GALC: variants seen among roughly 807,000 people sequenced by gnomAD.
GALC encodes the protein galactosylceramidase.
GALC carries 77 observed loss-of-function variants against 91.8 expected under a neutral mutation model. The ratio of observed to expected loss-of-function variants is 0.84; its 90% CI spans 0.70 to 1.01. The LOEUF is 1.01. GALC is among the 50% of genes least tolerant of loss of function. GALC has a pLI of 0.00. For missense variants in GALC, 882 were observed against 855.9 expected, an observed-to-expected ratio of 1.03 and a Z score of -0.38; for synonymous variants, 357 against 306.7, an observed-to-expected ratio of 1.16 and a Z score of -1.71.
intron 7 of GALC, among the ~76,000 whole-genome samples, chr14:87,971,514 C>T (rs928646461): frequency 1.1e-4 from 17 of 152,074 alleles, no homozygotes; most frequent in African/African-American, 3.6e-4. Context: ...TAAAAACCAG[C>T]AAAGGTCTTT....
intron 7 of GALC, among the ~76,000 whole-genome samples, chr14:87,969,574 G>A (rs559006786): frequency 2.6e-5 from 4 of 152,112 alleles, no homozygotes; most frequent in African/African-American, 9.7e-5. Context: ...AGGAATAAGA[G>A]CATCTACTTT....
intron 7 of GALC, among the ~76,000 whole-genome samples, chr14:87,973,441 CAAG>C (rs56250803): frequency 0.1 from 15,485 of 151,944 alleles, 986 homozygotes; most frequent in Non-Finnish European, 0.15. Context: ...TGAAGTAGGA[CAAG>C]AAGGAAAGAA....
intron 6 of GALC, among the ~76,000 whole-genome samples, chr14:87,980,107 G>C (rs1465367088): frequency 6.6e-6 from 1 of 152,200 alleles, no homozygotes; most frequent in Non-Finnish European, 1.5e-5. Context: ...TATTGGCTGG[G>C]CGCAGTGGCT....
At chr14:87,991,651 G>T (rs1887206313) in intron 1 of GALC, among the ~76,000 whole-genome samples, 1 of 152,212 alleles carries the variant, frequency 6.6e-6, no homozygotes, top group Non-Finnish European at 1.5e-5. Context: ...ATATAATGTT[G>T]CAAGAATTTT....
chr14:87,947,771 T>C lies in GALC; in HGVS notation c.1446A>G (p.Lys482=). The C allele has an allele frequency of 6.2e-7, 1 of 1,612,870 alleles. No homozygotes were observed. The change falls in exon 13 of 17, where the codon AAA becomes AAG. Residue 482 remains lysine, a synonymous_variant. Transcript: ENST00000261304. ...TATAGGTACTTGGGAAGGGCTGGGA[T>C]TTTGGAGGAAGCGGGTAGCTGCCTT... The part of the protein sequence containing the change: ...GRKGSYPLPP[K]SQPFPSTYKD...
At position 87,963,767 on chromosome 14, in the gene GALC, C is replaced by CT. The variant is rs1244988563; in HGVS notation, c.1034-257dup. Reference sequence around the variant, plus strand: ...CTGTCAGTTCAAGAATATGATCAGTCTTTTTTTTAAGAATAAAATAGTTAT... The same window carrying CT: ...CTGTCAGTTCAAGAATATGATCAGTCTTTTTTTTTAAGAATAAAATAGTTAT... On this transcript the variant is annotated intron_variant, in intron 9 of 16. Coordinates refer to ENST00000261304, the MANE Select transcript of GALC (RefSeq NM_000153.4). 8.6e-5 allele frequency among the ~76,000 whole-genome samples: 13 copies of CT among 151,790 alleles called. No homozygotes were observed. In the South Asian group the frequency reaches 1.9e-3, roughly 22 times the overall value.
rs775549759 is a variant in GALC, at chr14:87,965,029, ATTTAC to A, written c.1033+471_1033+475del. Among the ~76,000 whole-genome samples the A allele has an allele frequency of 2.6e-5, 4 of 152,254 alleles. No homozygotes were observed. The East Asian group carries it at 5.8e-4, about 22-fold the overall frequency. ...AAGCCATATTTCACATAACTTTCAT[ATTTAC>A]TTATTCATTTGATGATTCAATAATA... On this transcript the variant is annotated intron_variant, in intron 9 of 16. Transcript: ENST00000261304.
chr14:87,962,138 A>G (rs1885830500), intron 10 of GALC, among the ~76,000 whole-genome samples: 1 of 152,130 alleles, frequency 6.6e-6, no homozygotes, highest in Non-Finnish European at 1.5e-5. Flanking sequence ...GGGGGCCCCA[A>G]GAATATAACC....
chr14:87,933,154 T>C lies in GALC; in HGVS notation c.*1578A>G, dbSNP rs374613387. The C allele has an allele frequency of 1.3e-5, 2 of 152,188 alleles. No homozygotes were observed. The highest frequency in any genetic ancestry group is 2.4e-5 in the African/African-American group (1 of 41,420). 9.4% of individuals were successfully genotyped at this position (152,188 alleles called of 1,614,324 possible). A position where few individuals can be genotyped will look rare whatever the true frequency, so the allele number is the denominator to read the frequency against. On this transcript the variant is annotated 3_prime_UTR_variant, in exon 17 of 17. Transcript: ENST00000261304. ...TCACACAACATGGACAAATCTCAAA[T>C]CATTATGCTGATGGAAAGAAACCAT... is the stretch of plus-strand genomic sequence containing the variant.
chr14:87,992,954 G>C lies in GALC; in HGVS notation c.195+16C>G, dbSNP rs1422989668. ...CTCTTGCCGCCCCCCGCGTATCCCCGCAGCTTGCCGCTCACCCCGCCGCCG... is the reference window on the plus strand; with the variant it reads ...CTCTTGCCGCCCCCCGCGTATCCCCCCAGCTTGCCGCTCACCCCGCCGCCG... On this transcript the variant is annotated intron_variant, in intron 1 of 16. Coordinates refer to ENST00000261304, the MANE Select transcript of GALC (RefSeq NM_000153.4). The C allele has an allele frequency of 6.6e-7, 1 of 1,509,922 alleles. No individual in the cohort carries two copies. Among genetic ancestry groups the C allele is most frequent in the Non-Finnish European group, 8.8e-7 (1 of 1,137,666 alleles). 93.5% of individuals were successfully genotyped at this position (1,509,922 alleles called of 1,614,324 possible). A position where few individuals can be genotyped will look rare whatever the true frequency, so the allele number is the denominator to read the frequency against.
In GALC at chr14:87,979,309, G is replaced by A. The variant is rs190265645; in HGVS notation, c.622-2821C>T. Among the ~76,000 whole-genome samples, 994 of 152,262 alleles carry A rather than the reference G, an allele frequency of 6.5e-3. 14 individuals are homozygous for A. Among genetic ancestry groups the A allele is most frequent in the African/African-American group, 0.023 (960 of 41,542 alleles). On this transcript the variant is annotated intron_variant, in intron 6 of 16. Transcript: ENST00000261304. ...CCCAAAGTGCTGGGATTACAGGCAC[G>A]AGCCACTGAGCCTGGCCTGCAACAG... is the stretch of plus-strand genomic sequence containing the variant.
intron 5 of GALC, 24 bp from the exon 6 acceptor site, chr14:87,982,267 G>A: frequency 4.6e-6 from 7 of 1,530,144 alleles, no homozygotes; most frequent in Non-Finnish European, 6.3e-6. Flanking sequence ...AGTCAAAAAA[G>A]TCTGAATTGA....
intron 4 of GALC, among the ~76,000 whole-genome samples, chr14:87,985,734 C>A (rs1886941551): frequency 6.6e-6 from 1 of 152,112 alleles, no homozygotes; most frequent in African/African-American, 2.4e-5. Flanking sequence ...AAGCCTGTTT[C>A]AAAAAATCAA....
chr14:87,966,558 AAAGTAG>A (rs1406197782), intron 8 of GALC, among the ~76,000 whole-genome samples: 11 of 152,344 alleles, frequency 7.2e-5, no homozygotes, highest in Admixed American at 2.0e-4. Context: ...CTATCAGTAC[AAAGTAG>A]AAATAATAGT....
intron 10 of GALC, among the ~76,000 whole-genome samples, chr14:87,960,483 CATGT>C (rs1885756282): frequency 6.6e-6 from 1 of 152,154 alleles, no homozygotes; most frequent in Non-Finnish European, 1.5e-5. Context: ...CATTATACCA[CATGT>C]ATGTATCAAA....
chr14:87,987,770 C>T, intron 3 of GALC: 2 of 165,608 alleles, frequency 1.2e-5, no homozygotes, highest in Non-Finnish European at 2.6e-5. Context: ...TCATTTTTAC[C>T]ACATATTTTA....
chr14:87,934,966 G>C, intron 16 of GALC, 88 bp from the exon 17 acceptor site: 2 of 934,362 alleles, frequency 2.1e-6, no homozygotes, highest in Non-Finnish European at 3.5e-6. Flanking sequence ...CCACTACTTA[G>C]TGGAGCAAAT....
In GALC at chr14:87,988,522, G is replaced by A; in HGVS notation, c.197C>T (p.Ala66Val). 6.2e-7 allele frequency: 1 copy of A among 1,609,148 alleles called. No homozygotes were observed. The highest frequency in any genetic ancestry group is 8.5e-7 in the Non-Finnish European group (1 of 1,175,752). The change falls in exon 2 of 17, where the codon GCA becomes GTA. Residue 66 changes from alanine to valine, a missense_variant and splice_region_variant. Coordinates refer to ENST00000261304, the MANE Select transcript of GALC (RefSeq NM_000153.4). Reference protein sequence around the residue: ...DGIGAVSGGGATSRLLVNYPE... With the variant: ...DGIGAVSGGGVTSRLLVNYPE... ...GTAATTTACTAGAAGTCGGGAGGTTGCCTAAAAAAAAAAGTTTTCAAAAGT... is the reference window on the plus strand; with the variant it reads ...GTAATTTACTAGAAGTCGGGAGGTTACCTAAAAAAAAAAGTTTTCAAAAGT...
Position 87,963,386 on chromosome 14 carries a change from T to C in GALC, c.1159A>G (p.Met387Val), listed in dbSNP as rs780665279. ...CAATAGCAACAACAAAAGTTTACCA[T>C]GGTTTCAATGATGATGGTGAGGTTC... ...LGNLTIIIET[M>V]SHKHSKCIRP... Residue 387 changes from methionine to valine, a missense_variant and splice_region_variant, in exon 10 of 17, where the codon ATG (methionine) becomes GTG (valine). Coordinates refer to ENST00000261304, the MANE Select transcript of GALC (RefSeq NM_000153.4). 9 of 1,613,130 alleles carry C rather than the reference T, an allele frequency of 5.6e-6. No homozygotes were observed. The highest frequency in any genetic ancestry group is 2.7e-5 in the African/African-American group (2 of 74,892).
Sources: gnomAD v4.1 joint callset for allele counts (sites outside exome capture counted in the v4.1 genomes callset) on GRCh38, gnomAD v4.1.1 for gene constraint, MANE v1.5 for transcripts, NCBI Gene and HGNC (gene_info 2026-07-23, HGNC 2026-07-21) for gene names.